Variants in CARMIL1 observed in about 807,000 individuals in gnomAD.
CARMIL1 encodes the protein F-actin-uncapping protein LRRC16A.
CARMIL1 carries 90 observed loss-of-function variants against 177.1 expected under a neutral mutation model. The ratio of observed to expected loss-of-function variants is 0.51; its 90% CI spans 0.43 to 0.61. CARMIL1 has a LOEUF of 0.61. Ranked by LOEUF, CARMIL1 falls within the 20% of genes least tolerant of loss-of-function variation. The probability of loss-of-function intolerance (pLI) is 0.00; values close to 1 mark genes in which losing one functional copy is unlikely to be tolerated. For missense variants in CARMIL1, 1,380 were observed against 1,667.0 expected, an observed-to-expected ratio of 0.83 and a Z score of 3.00; for synonymous variants, 577 against 606.2, an observed-to-expected ratio of 0.95 and a Z score of 0.71.
intron 5 of CARMIL1, among the ~76,000 whole-genome samples, chr6:25,448,873 A>G (rs555556170): frequency 6.6e-6 from 1 of 151,344 alleles, no homozygotes; most frequent in African/African-American, 2.4e-5. Flanking sequence ...TAATGACAGT[A>G]TCAGTTAACA....
chr6:25,471,509 T>C (rs948578049), intron 10 of CARMIL1, among the ~76,000 whole-genome samples: 10 of 152,232 alleles, frequency 6.6e-5, no homozygotes, highest in Admixed American at 2.6e-4. Context: ...CATGGATCCT[T>C]GAGCCAGATG....
chr6:25,395,135 C>A (rs1793257227), intron 2 of CARMIL1, among the ~76,000 whole-genome samples: 1 of 152,188 alleles, frequency 6.6e-6, no homozygotes, highest in Non-Finnish European at 1.5e-5. Flanking sequence ...TAGGAGCTCG[C>A]TGAATTGGCT....
rs375693601 is a variant in CARMIL1, at chr6:25,377,972, T to C, written c.139-42142T>C. 2.4e-4 allele frequency among the ~76,000 whole-genome samples: 37 copies of C among 152,188 alleles called. No homozygotes were observed. In the East Asian group the frequency reaches 7.0e-3, roughly 29 times the overall value. On this transcript the variant is annotated intron_variant, in intron 2 of 36. Transcript: ENST00000329474. ...GAGCTCCGAAAAGTTTCTGTTCTTT[T>C]TATTAAGCTACCAGGGTAGGATTGA...
intron 36 of CARMIL1, among the ~76,000 whole-genome samples, chr6:25,611,559 G>C (rs919115146): frequency 6.6e-6 from 1 of 152,158 alleles, no homozygotes; most frequent in African/African-American, 2.4e-5. Context: ...TTAAGGAAGC[G>C]TTGAAAATGC....
intron 36 of CARMIL1, among the ~76,000 whole-genome samples, chr6:25,618,311 A>G (rs758723642): frequency 6.6e-6 from 1 of 152,114 alleles, no homozygotes; most frequent in Non-Finnish European, 1.5e-5. Context: ...GAAGCATCAA[A>G]TGAATCCTAT....
chr6:25,427,008 A>T (rs138773985), intron 4 of CARMIL1, among the ~76,000 whole-genome samples: 1 of 152,294 alleles, frequency 6.6e-6, no homozygotes, highest in East Asian at 1.9e-4. Context: ...AAGTGTTGAC[A>T]TATGTATGAC....
intron 24 of CARMIL1, among the ~76,000 whole-genome samples, chr6:25,529,864 G>C (rs1807574893): frequency 6.7e-6 from 1 of 149,738 alleles, no homozygotes; most frequent in Non-Finnish European, 1.5e-5. Context: ...CTGTAGTACA[G>C]AATTAAATAA....
chr6:25,403,233 T>C (rs1391815671), intron 2 of CARMIL1, among the ~76,000 whole-genome samples: 1 of 152,164 alleles, frequency 6.6e-6, no homozygotes, highest in African/African-American at 2.4e-5. Context: ...ACTAGTTTTC[T>C]CTTATATTCC....
chr6:25,507,017 G>C (rs193279766), intron 17 of CARMIL1, among the ~76,000 whole-genome samples: 59 of 152,212 alleles, frequency 3.9e-4, no homozygotes, highest in African/African-American at 1.4e-3. Flanking sequence ...AAAGAAAGAC[G>C]ATTTTATTTT....
chr6:25,512,717 T>G (rs963084944), intron 20 of CARMIL1, among the ~76,000 whole-genome samples: 7 of 152,330 alleles, frequency 4.6e-5, no homozygotes, highest in Admixed American at 1.3e-4. Context: ...TACATGCTGG[T>G]GGGTTCCAGT....
Position 25,554,971 on chromosome 6 carries a change from G to A in CARMIL1, c.2592+875G>A, listed in dbSNP as rs547408399. Among the ~76,000 whole-genome samples the A allele has an allele frequency of 2.6e-5, 4 of 152,250 alleles. No homozygotes were observed. Among genetic ancestry groups the A allele is most frequent in the Non-Finnish European group, 2.9e-5 (2 of 68,024 alleles). On this transcript the variant is annotated intron_variant, in intron 28 of 36. Transcript: ENST00000329474. This position sits in a 1 kb window ranked among gnomAD's most constrained non-coding sequence, Gnocchi z 4.6. ...TTTGAAAAATTCATTTGAGAAAAAC[G>A]TGTAAGACTGTCTTCCAAAATCTGA... is the stretch of plus-strand genomic sequence containing the variant.
chr6:25,501,686 T>G (rs537468436), intron 17 of CARMIL1, among the ~76,000 whole-genome samples: 2 of 152,176 alleles, frequency 1.3e-5, no homozygotes, highest in African/African-American at 4.8e-5. Flanking sequence ...TGCACAGATA[T>G]TAAATTAACT....
intron 11 of CARMIL1, chr6:25,479,145 C>T (rs775244840): frequency 5.8e-6 from 3 of 518,894 alleles, no homozygotes; most frequent in African/African-American, 1.9e-5. Flanking sequence ...ATGTTCCCAC[C>T]GTTCTCCAGA....
chr6:25,440,798 A>T (rs554232975), intron 5 of CARMIL1, among the ~76,000 whole-genome samples: 1 of 151,820 alleles, frequency 6.6e-6, no homozygotes, highest in East Asian at 1.9e-4. Context: ...GAATCCTTAG[A>T]CCTTGTATGA....
At chr6:25,471,816 T>C (rs755630019) in intron 10 of CARMIL1, among the ~76,000 whole-genome samples, 3 of 152,192 alleles carry the variant, frequency 2.0e-5, no homozygotes, top group Non-Finnish European at 4.4e-5. Context: ...AGTCTTTATC[T>C]AGTGGTTTAG....
At chr6:25,299,079 T>A (rs868226200) in intron 2 of CARMIL1, among the ~76,000 whole-genome samples, 2 of 151,528 alleles carry the variant, frequency 1.3e-5, no homozygotes, top group Non-Finnish European at 2.9e-5. Flanking sequence ...AGCCGGTCCT[T>A]GATCGGGGGT....
At chr6:25,475,931 C>T (rs1049333687) in intron 11 of CARMIL1, among the ~76,000 whole-genome samples, 5 of 152,178 alleles carry the variant, frequency 3.3e-5, no homozygotes, top group Non-Finnish European at 7.3e-5. Context: ...TAGAGGTGGA[C>T]ATTTCTTCCC....
chr6:25,411,963 G>A (rs1470503122), intron 2 of CARMIL1, among the ~76,000 whole-genome samples: 1 of 152,248 alleles, frequency 6.6e-6, no homozygotes, highest in African/African-American at 2.4e-5. Flanking sequence ...TCAGAGTGTA[G>A]GGAAGTGACT....
At chr6:25,482,401 A>C in intron 12 of CARMIL1, 58 bp downstream of exon 12, 1 of 743,596 alleles carries the variant, frequency 1.3e-6, no homozygotes, top group Non-Finnish European at 2.2e-6. Flanking sequence ...TGCACCTGCT[A>C]CCTTAGTTAG....
Sources: gnomAD v4.1 joint callset for allele counts (sites outside exome capture counted in the v4.1 genomes callset) on GRCh38, gnomAD v4.1.1 for gene constraint, Gnocchi (gnomAD v3.1) non-coding constraint, MANE v1.5 for transcripts, NCBI Gene and HGNC (gene_info 2026-07-23, HGNC 2026-07-21) for gene names.